RALGAPA1: variants seen among roughly 807,000 people sequenced by gnomAD.
RALGAPA1 encodes Ral GTPase activating protein catalytic subunit alpha 1, also known as ral GTPase-activating protein subunit alpha-1.
In RALGAPA1, 52 loss-of-function variants were observed where a neutral mutation model predicts 269.6. That is an observed-to-expected ratio of 0.19 (90% CI 0.15 to 0.24). The LOEUF (loss-of-function observed/expected upper bound fraction) is 0.24. Ranked by LOEUF, RALGAPA1 falls within the 10% of genes least tolerant of loss-of-function variation. The pLI, the probability that RALGAPA1 is intolerant of heterozygous loss-of-function variation, is 1.00. For synonymous variants in RALGAPA1, 817 were observed against 1,008.3 expected (o/e 0.81, Z 3.60); for missense variants, 1,917 against 3,013.9 (o/e 0.64, Z 8.52).
chr14:35,793,328 C>A (rs968183455), intron 1 of RALGAPA1, among the ~76,000 whole-genome samples: 8 of 151,734 alleles, frequency 5.3e-5, no homozygotes, highest in Non-Finnish European at 8.8e-5. Flanking sequence ...ACCTCCGCCT[C>A]CCAGGTTCAA....
Position 35,759,571 on chromosome 14 carries a change from C to T in RALGAPA1, c.547+1258G>A, listed in dbSNP as rs1037522205. Among the ~76,000 whole-genome samples the T allele has an allele frequency of 2.1e-4, 30 of 143,870 alleles. 1 individual carries two copies. Among genetic ancestry groups the T allele is most frequent in the Admixed American group, 1.8e-3 (25 of 14,228 alleles). 94.4% of individuals were successfully genotyped at this position (143,870 alleles called of 152,430 possible). A position where few individuals can be genotyped will look rare whatever the true frequency, so the allele number is the denominator to read the frequency against. ...TTATTTAAATAACAGGATTCGTACA[C>T]GAAGATGAGAATTAAAGAAGTAAAA... On this transcript the variant is annotated intron_variant, in intron 6 of 41. Coordinates refer to ENST00000680220, the MANE Select transcript of RALGAPA1 (RefSeq NM_001346249.2).
intron 36 of RALGAPA1, among the ~76,000 whole-genome samples, chr14:35,598,195 T>C (rs1401302788): frequency 1.3e-5 from 2 of 152,138 alleles, no homozygotes; most frequent in Non-Finnish European, 2.9e-5. Flanking sequence ...TGTAGCTCTG[T>C]TATTTGGTGC....
intron 22 of RALGAPA1, chr14:35,676,490 G>A: frequency 6.6e-6 from 1 of 152,308 alleles, no homozygotes; most frequent in Non-Finnish European, 1.5e-5. Flanking sequence ...GGGATGACAG[G>A]CGTGAGCCAC....
At chr14:35,558,623 C>T (rs529994893) in intron 39 of RALGAPA1, among the ~76,000 whole-genome samples, 90 of 152,284 alleles carry the variant, frequency 5.9e-4, no homozygotes, top group Middle Eastern at 6.8e-3. Context: ...AGTCAACATT[C>T]TTAGCAAGAG....
chr14:35,797,246 AG>A (rs2076632478), intron 1 of RALGAPA1, among the ~76,000 whole-genome samples: 1 of 150,388 alleles, frequency 6.6e-6, no homozygotes, highest in African/African-American at 2.4e-5. Context: ...CCCAGCTACT[AG>A]GGGGCTGAAG....
intron 39 of RALGAPA1, among the ~76,000 whole-genome samples, chr14:35,565,827 CA>C (rs1310073713): frequency 6.6e-6 from 1 of 151,930 alleles, no homozygotes; most frequent in Non-Finnish European, 1.5e-5. Context: ...AAGTCATAGT[CA>C]AAATGTCTTT....
At chr14:35,727,527 T>A (rs1595342622) in intron 13 of RALGAPA1, among the ~76,000 whole-genome samples, 1 of 151,500 alleles carries the variant, frequency 6.6e-6, no homozygotes, top group East Asian at 1.9e-4. Flanking sequence ...CTTTCCCATC[T>A]CCCCAAAAGG....
chr14:35,716,927 AT>A (rs2068883541), intron 16 of RALGAPA1, among the ~76,000 whole-genome samples: 1 of 152,222 alleles, frequency 6.6e-6, no homozygotes, highest in Admixed American at 6.5e-5. Flanking sequence ...CTTTGCAAAT[AT>A]AAATAATCTG....
At chr14:35,659,264 T>C in intron 27 of RALGAPA1, 68 bp from the exon 28 acceptor site, 2 of 1,195,950 alleles carry the variant, frequency 1.7e-6, no homozygotes, top group Non-Finnish European at 2.4e-6. Context: ...CAAATATTTA[T>C]TAAGTGGTTA....
chr14:35,587,553 G>A (rs1028918216), intron 37 of RALGAPA1, among the ~76,000 whole-genome samples: 1 of 152,204 alleles, frequency 6.6e-6, no homozygotes, highest in Non-Finnish European at 1.5e-5. Flanking sequence ...AAAAGGATGA[G>A]TTCATGTCCT....
At chr14:35,597,543 T>A (rs750621499) in intron 36 of RALGAPA1, among the ~76,000 whole-genome samples, 11 of 151,958 alleles carry the variant, frequency 7.2e-5, no homozygotes, top group Non-Finnish European at 1.3e-4. Flanking sequence ...ATGAAAAAAA[T>A]AAAAAGAAAT....
chr14:35,616,710 T>A lies in RALGAPA1; in HGVS notation c.6929+8651A>T, dbSNP rs189973472. 3.3e-4 allele frequency among the ~76,000 whole-genome samples: 50 copies of A among 152,332 alleles called. 1 individual carries two copies. The East Asian group carries it at 9.6e-3, about 29-fold the overall frequency. The stretch of plus-strand genomic sequence containing the variant: ...AACTGCTCTAGTTTTAAAACACACC[T>A]ATGAAGTTAAATTTAAATTTAATCA... On this transcript the variant is annotated intron_variant, in intron 35 of 41. Transcript: ENST00000680220.
chr14:35,583,047 T>A (rs1297034310), intron 37 of RALGAPA1, among the ~76,000 whole-genome samples: 1 of 152,124 alleles, frequency 6.6e-6, no homozygotes. Context: ...TGTTCAGATT[T>A]CAACAAAAAA....
At chr14:35,790,520 T>A (rs2076084315) in intron 1 of RALGAPA1, among the ~76,000 whole-genome samples, 1 of 148,160 alleles carries the variant, frequency 6.7e-6, no homozygotes, top group African/African-American at 2.5e-5. Flanking sequence ...AAACCCCATC[T>A]CTACTAAAAA....
At chr14:35,734,742 T>C (rs994700802) in intron 12 of RALGAPA1, among the ~76,000 whole-genome samples, 1 of 152,012 alleles carries the variant, frequency 6.6e-6, no homozygotes, top group Non-Finnish European at 1.5e-5. Context: ...GCAAAAGGAA[T>C]AGTCAGCAGA....
chr14:35,654,980 A>G (rs2063082824), intron 29 of RALGAPA1, among the ~76,000 whole-genome samples: 1 of 152,172 alleles, frequency 6.6e-6, no homozygotes, highest in South Asian at 2.1e-4. Flanking sequence ...AGTCAAAATG[A>G]TTTCTGTTTC....
At chr14:35,742,681 A>T in intron 10 of RALGAPA1, 116 bp from the exon 11 acceptor site, 1 of 728,726 alleles carries the variant, frequency 1.4e-6, no homozygotes, top group South Asian at 1.6e-5. Context: ...ACTTTAAGCA[A>T]AACAATGACA....
intron 36 of RALGAPA1, among the ~76,000 whole-genome samples, chr14:35,603,462 C>G (rs866369723): frequency 6.6e-6 from 1 of 152,018 alleles, no homozygotes; most frequent in Non-Finnish European, 1.5e-5. Flanking sequence ...GGTAAAACAG[C>G]AGGTTAATAT....
At chr14:35,614,152 G>C (rs2060114243) in intron 35 of RALGAPA1, among the ~76,000 whole-genome samples, 1 of 152,314 alleles carries the variant, frequency 6.6e-6, no homozygotes, top group Non-Finnish European at 1.5e-5. Flanking sequence ...GGTACAGCTG[G>C]TGTGTAAAAC....
Sources: gnomAD v4.1 joint callset for allele counts (sites outside exome capture counted in the v4.1 genomes callset) on GRCh38, gnomAD v4.1.1 for gene constraint, MANE v1.5 for transcripts, NCBI Gene and HGNC (gene_info 2026-07-23, HGNC 2026-07-21) for gene names.